The following GLIS3 variants were observed in gnomAD, a reference collection of about 807,000 sequenced individuals.
GLIS3 encodes zinc finger protein GLIS3.
A neutral mutation model predicts 78.6 loss-of-function variants in GLIS3; 53 were observed. The observed-to-expected ratio is 0.67, with a 90% CI of 0.54 to 0.85. GLIS3 has a LOEUF of 0.85. Ranked by LOEUF, GLIS3 falls within the 40% of genes least tolerant of loss-of-function variation. GLIS3 has a pLI of 0.00. For synonymous variants in GLIS3, 684 were observed against 509.9 expected, an observed-to-expected ratio of 1.34 and a Z score of -4.60; for missense variants, 1,703 against 1,231.1, an observed-to-expected ratio of 1.38 and a Z score of -5.74.
intron 4 of GLIS3, among the ~76,000 whole-genome samples, chr9:3,951,663 A>ACACTGATTTTAATAAAGGG (rs1816688171): frequency 6.6e-6 from 1 of 152,130 alleles, no homozygotes; most frequent in Admixed American, 6.5e-5. Flanking sequence ...GGGTGAACGG[A>ACACTGATTTTAATAAAGGG]CACTGATTTT....
chr9:3,896,348 T>G (rs1226334422), intron 7 of GLIS3, among the ~76,000 whole-genome samples: 1 of 152,072 alleles, frequency 6.6e-6, no homozygotes, highest in Non-Finnish European at 1.5e-5. Context: ...AGCAAAATCA[T>G]ACCTGAGGGA....
At chr9:4,344,332 T>C (rs1403876751) in intron 2 of GLIS3, among the ~76,000 whole-genome samples, 1 of 152,214 alleles carries the variant, frequency 6.6e-6, no homozygotes, top group Non-Finnish European at 1.5e-5. Flanking sequence ...CAATTCTCAG[T>C]CCTCATCCTA....
At chr9:4,295,391 T>A (rs1816389233) in intron 1 of GLIS3, among the ~76,000 whole-genome samples, 1 of 152,186 alleles carries the variant, frequency 6.6e-6, no homozygotes, top group African/African-American at 2.4e-5. Flanking sequence ...TTTTCCTTAA[T>A]TCTATCATAT....
the GLIS3 span, among the ~76,000 whole-genome samples, chr9:4,489,804 G>C: frequency 3.3e-5 from 5 of 152,192 alleles, no homozygotes; most frequent in African/African-American, 1.2e-4. Context: ...AAAGTTCTAA[G>C]AGAAATCACC....
At chr9:4,220,551 G>A (rs1400674218) in intron 2 of GLIS3, among the ~76,000 whole-genome samples, 1 of 151,898 alleles carries the variant, frequency 6.6e-6, no homozygotes, top group Non-Finnish European at 1.5e-5. Flanking sequence ...ATATAGCCTG[G>A]GCCTCACCAT....
intron 5 of GLIS3, among the ~76,000 whole-genome samples, chr9:3,933,470 A>G (rs1027834332): frequency 6.6e-6 from 1 of 152,236 alleles, no homozygotes; most frequent in African/African-American, 2.4e-5. Flanking sequence ...GTTTGAGGCT[A>G]TGACTCTTCA....
At chr9:4,086,504 A>G (rs1332503025) in intron 4 of GLIS3, among the ~76,000 whole-genome samples, 3 of 152,224 alleles carry the variant, frequency 2.0e-5, no homozygotes, top group African/African-American at 7.2e-5. Context: ...TGTTTATTAC[A>G]TTGGGGTGAA....
intron 6 of GLIS3, 49 bp from the exon 7 acceptor site, chr9:3,898,884 G>T (rs1424985297): frequency 6.2e-6 from 10 of 1,611,866 alleles, no homozygotes; most frequent in Non-Finnish European, 8.5e-6. Context: ...CCGGTCCTTG[G>T]AATATTTTCC....
chr9:4,313,192 T>A (rs887710951), intron 2 of GLIS3, among the ~76,000 whole-genome samples: 2 of 152,192 alleles, frequency 1.3e-5, no homozygotes, highest in Admixed American at 6.5e-5. Flanking sequence ...ATAGTAGGTG[T>A]AGCTGTCATC....
chr9:4,462,378 T>C, the GLIS3 span, among the ~76,000 whole-genome samples: 5 of 152,110 alleles, frequency 3.3e-5, no homozygotes, highest in Non-Finnish European at 7.4e-5. Flanking sequence ...AAGAGACCAG[T>C]GGGGGTGTTT....
the GLIS3 span, among the ~76,000 whole-genome samples, chr9:4,403,582 G>C: frequency 6.6e-6 from 1 of 152,044 alleles, no homozygotes; most frequent in Non-Finnish European, 1.5e-5. Context: ...AAGTTATAAA[G>C]TGTAGAGTTT....
At chr9:3,915,338 A>C (rs776208378) in intron 6 of GLIS3, among the ~76,000 whole-genome samples, 1 of 152,120 alleles carries the variant, frequency 6.6e-6, no homozygotes, top group African/African-American at 2.4e-5. Context: ...AAATCTAAGG[A>C]AAGTGTTGCA....
In GLIS3 at chr9:4,283,447, G is replaced by T. The variant is rs1216686111; in HGVS notation, c.388+2591C>A. On this transcript the variant is annotated intron_variant, in intron 2 of 10. Coordinates refer to ENST00000381971, the MANE Select transcript of GLIS3 (RefSeq NM_001042413.2). The stretch of plus-strand genomic sequence containing the variant: ...CACCCGGCTCATTTTTGTATTTTTA[G>T]CAGAGGCGGCGTTTCACCATCTTGG... Among the ~76,000 whole-genome samples, 4 of 151,996 alleles carry T rather than the reference G, an allele frequency of 2.6e-5. No individual in the cohort carries two copies. The East Asian group carries it at 7.8e-4, about 29-fold the overall frequency.
chr9:3,882,224 G>A (rs1821778618), intron 7 of GLIS3, among the ~76,000 whole-genome samples: 2 of 151,242 alleles, frequency 1.3e-5, no homozygotes, highest in Admixed American at 1.3e-4. Flanking sequence ...AGATATAAAT[G>A]CCCATGGAAT....
chr9:3,864,368 C>G (rs1384083277), intron 8 of GLIS3, among the ~76,000 whole-genome samples: 1 of 152,136 alleles, frequency 6.6e-6, no homozygotes, highest in East Asian at 1.9e-4. Context: ...GGCAAAAAAT[C>G]AGTGTTATTT....
the GLIS3 span, among the ~76,000 whole-genome samples, chr9:4,484,203 A>T: frequency 6.6e-6 from 1 of 150,904 alleles, no homozygotes; most frequent in Admixed American, 6.6e-5. Context: ...ATCCTTGTTC[A>T]TTCCTGGGCA....
chr9:4,319,033 A>G (rs978077745), intron 2 of GLIS3, among the ~76,000 whole-genome samples: 1 of 152,214 alleles, frequency 6.6e-6, no homozygotes, highest in South Asian at 2.1e-4. Context: ...GCATTCTGTA[A>G]AACAGCTGGC....
chr9:4,255,267 T>G (rs561428821), intron 2 of GLIS3, among the ~76,000 whole-genome samples: 41 of 152,206 alleles, frequency 2.7e-4, no homozygotes, highest in Non-Finnish European at 5.1e-4. Flanking sequence ...CTGGTGGGTA[T>G]GCAAAATGGT....
the GLIS3 span, among the ~76,000 whole-genome samples, chr9:4,362,089 G>A: frequency 6.6e-6 from 1 of 152,210 alleles, no homozygotes; most frequent in Non-Finnish European, 1.5e-5. Context: ...ACTAAAGGGT[G>A]CTCACCAGCT....
Sources: allele counts gnomAD v4.1 joint callset (sites outside exome capture counted in the v4.1 genomes callset), GRCh38; gene constraint gnomAD v4.1.1; transcripts MANE v1.5; gene names NCBI Gene and HGNC (gene_info 2026-07-23, HGNC 2026-07-21).